PRKN: variants seen among roughly 807,000 people sequenced by gnomAD.
The protein encoded by PRKN is E3 ubiquitin-protein ligase parkin.
In PRKN, 56 loss-of-function variants were observed where a neutral mutation model predicts 59.5. That is an observed-to-expected ratio of 0.94 (90% CI 0.76 to 1.18). The LOEUF is 1.18. Ranked by LOEUF, PRKN falls within the 50% of genes most tolerant of loss-of-function variation. The pLI, the probability that PRKN is intolerant of heterozygous loss-of-function variation, is 0.00. For synonymous variants in PRKN, 250 were observed against 222.1 expected, an observed-to-expected ratio of 1.13 and a Z score of -1.12; for missense variants, 657 against 596.4, an observed-to-expected ratio of 1.10 and a Z score of -1.06.
intron 2 of PRKN, chr6:162,265,193 T>A (rs1257630374): frequency 6.6e-6 from 1 of 152,180 alleles, no homozygotes; most frequent in Admixed American, 6.5e-5. Flanking sequence ...TTTTTCATCT[T>A]CCTTACCCCT....
intron 7 of PRKN, among the ~76,000 whole-genome samples, chr6:161,662,633 C>A (rs144430346): frequency 6.6e-6 from 1 of 151,772 alleles, no homozygotes; most frequent in African/African-American, 2.4e-5. Context: ...GCCACCAGAC[C>A]TCCAACTTTA....
At chr6:162,417,966 C>T (rs1014198441) in intron 2 of PRKN, among the ~76,000 whole-genome samples, 6 of 152,130 alleles carry the variant, frequency 3.9e-5, no homozygotes, top group African/African-American at 1.4e-4. Flanking sequence ...CTGTAAATAG[C>T]TAAACATTTT....
In PRKN at chr6:161,529,646, T is replaced by C. The variant is rs1441508461; in HGVS notation, c.1083+19208A>G. On this transcript the variant is annotated intron_variant, in intron 9 of 11. Transcript: ENST00000366898. This position sits in a 1 kb window ranked among gnomAD's most constrained non-coding sequence, Gnocchi z 4.4. Reference sequence around the variant, plus strand: ...TAGGATTACGGCAACTCAGTTTAAGTGAGGCTGTTTTGGAAGAAGCTGTCC... The same window carrying C: ...TAGGATTACGGCAACTCAGTTTAAGCGAGGCTGTTTTGGAAGAAGCTGTCC... Among the ~76,000 whole-genome samples, 1 of 152,156 alleles carries C rather than the reference T, an allele frequency of 6.6e-6. No individual in the cohort carries two copies. The highest frequency in any genetic ancestry group is 1.5e-5 in the Non-Finnish European group (1 of 68,032).
chr6:162,677,485 A>C (rs1236559806), intron 1 of PRKN, among the ~76,000 whole-genome samples: 1 of 151,484 alleles, frequency 6.6e-6, no homozygotes, highest in Admixed American at 6.6e-5. Context: ...AAAAAAAAAA[A>C]AAACACTCTT....
At chr6:162,528,734 A>C (rs1307862193) in intron 1 of PRKN, among the ~76,000 whole-genome samples, 1 of 152,146 alleles carries the variant, frequency 6.6e-6, no homozygotes, top group East Asian at 1.9e-4. Flanking sequence ...TTGAGGTTAC[A>C]GTGAACTATG....
chr6:162,256,130 A>G (rs571864649), intron 3 of PRKN, among the ~76,000 whole-genome samples: 3 of 152,256 alleles, frequency 2.0e-5, no homozygotes, highest in African/African-American at 7.2e-5. Flanking sequence ...TTATAGTCAA[A>G]TAGATGAAGA....
chr6:161,814,722 G>A (rs979700061), intron 6 of PRKN, among the ~76,000 whole-genome samples: 5 of 152,198 alleles, frequency 3.3e-5, no homozygotes, highest in South Asian at 4.2e-4. Context: ...GGCTGGTCTC[G>A]AACTCCCGAC....
chr6:161,858,107 T>C (rs1234900195), intron 6 of PRKN, among the ~76,000 whole-genome samples: 1 of 152,192 alleles, frequency 6.6e-6, no homozygotes, highest in East Asian at 1.9e-4. Flanking sequence ...GTACTAATAA[T>C]GGAACAAAAA....
At chr6:162,628,819 A>G (rs1178065191) in intron 1 of PRKN, among the ~76,000 whole-genome samples, 1 of 152,136 alleles carries the variant, frequency 6.6e-6, no homozygotes, top group African/African-American at 2.4e-5. Context: ...TCATTTTGCC[A>G]AAGATACAGG....
intron 4 of PRKN, among the ~76,000 whole-genome samples, chr6:162,130,495 A>T (rs2128307938): frequency 6.6e-6 from 1 of 152,280 alleles, no homozygotes; most frequent in Middle Eastern, 3.4e-3. Flanking sequence ...CTCGAATGCC[A>T]GTAAAATATG....
At chr6:162,632,218 G>A (rs769384240) in intron 1 of PRKN, among the ~76,000 whole-genome samples, 19 of 152,038 alleles carry the variant, frequency 1.2e-4, no homozygotes, top group Non-Finnish European at 2.5e-4. Context: ...CCTGTTCATC[G>A]CTACACTATT....
chr6:161,430,626 T>C (rs557542900), intron 9 of PRKN, among the ~76,000 whole-genome samples: 1 of 151,444 alleles, frequency 6.6e-6, no homozygotes, highest in South Asian at 2.1e-4. Context: ...CCATCCTGGC[T>C]AACACAGTGA....
At chr6:162,414,121 T>C (rs1328427096) in intron 2 of PRKN, among the ~76,000 whole-genome samples, 4 of 152,038 alleles carry the variant, frequency 2.6e-5, no homozygotes, top group Non-Finnish European at 5.9e-5. Context: ...AGGTGGAGAC[T>C]GCAGTGAGCT....
chr6:162,461,907 G>C (rs540722957), intron 1 of PRKN, among the ~76,000 whole-genome samples: 25 of 152,166 alleles, frequency 1.6e-4, no homozygotes, highest in Non-Finnish European at 2.9e-4. Context: ...GAAAATATAG[G>C]AATGATAGAG....
chr6:161,381,863 A>G (rs943470353), intron 10 of PRKN, among the ~76,000 whole-genome samples: 2 of 152,134 alleles, frequency 1.3e-5, no homozygotes, highest in African/African-American at 4.8e-5. Flanking sequence ...CTGTAATCCC[A>G]GCACTTCGGG....
intron 9 of PRKN, among the ~76,000 whole-genome samples, chr6:161,485,370 G>A (rs1791600680): frequency 1.3e-5 from 2 of 152,142 alleles, no homozygotes; most frequent in East Asian, 1.9e-4. Flanking sequence ...CCTGTGTCCT[G>A]TTTCCCTCTT....
chr6:162,309,729 G>A (rs539131349), intron 2 of PRKN, among the ~76,000 whole-genome samples: 102 of 152,196 alleles, frequency 6.7e-4, no homozygotes, highest in African/African-American at 2.5e-3. Context: ...AAGCTCAAAG[G>A]TACATGTGCA....
At chr6:161,981,238 C>T (rs528720613) in intron 5 of PRKN, among the ~76,000 whole-genome samples, 2 of 152,324 alleles carry the variant, frequency 1.3e-5, no homozygotes, top group African/African-American at 4.8e-5. Flanking sequence ...CCCAGTTACT[C>T]TCTCCTCAGA....
intron 6 of PRKN, among the ~76,000 whole-genome samples, chr6:161,952,360 G>C (rs1784599): frequency 0.32 from 49,244 of 152,088 alleles, 8,512 homozygotes; most frequent in Non-Finnish European, 0.38. Flanking sequence ...GCTCATGCCT[G>C]TAATCCCAGC....
Sources: gnomAD v4.1 joint callset for allele counts (sites outside exome capture counted in the v4.1 genomes callset) on GRCh38, gnomAD v4.1.1 for gene constraint, Gnocchi (gnomAD v3.1) non-coding constraint, MANE v1.5 for transcripts, NCBI Gene and HGNC (gene_info 2026-07-23, HGNC 2026-07-21) for gene names.